Variants in CYP4X1 observed in about 807,000 individuals in gnomAD.
CYP4X1 encodes the protein cytochrome P450 4X1.
A neutral mutation model predicts 57.9 loss-of-function variants in CYP4X1; 44 were observed. The observed-to-expected ratio is 0.76, with a 90% CI of 0.60 to 0.98. CYP4X1 has a LOEUF of 0.98. Ranked by LOEUF, CYP4X1 falls within the 50% of genes least tolerant of loss-of-function variation. The probability of loss-of-function intolerance (pLI) is 0.00; values close to 1 mark genes in which losing one functional copy is unlikely to be tolerated. For synonymous variants in CYP4X1, 227 were observed against 228.6 expected (o/e 0.99, Z 0.06); for missense variants, 532 against 623.9 (o/e 0.85, Z 1.57).
At chr1:47,003,729 C>T in the CYP4X1 span, among the ~76,000 whole-genome samples, 1 of 152,114 alleles carries the variant, frequency 6.6e-6, no homozygotes, top group Admixed American at 6.5e-5. Context: ...GAGGACAGCA[C>T]CAAGCCGTGA....
At chr1:47,042,209 G>A (rs1644253782) in intron 8 of CYP4X1, among the ~76,000 whole-genome samples, 2 of 151,152 alleles carry the variant, frequency 1.3e-5, no homozygotes, top group Non-Finnish European at 2.9e-5. Flanking sequence ...CAGGTAGTAT[G>A]ATGCCTCCAG....
At chr1:47,049,395 G>A (rs1644337076) in intron 10 of CYP4X1, 27 bp from the exon 11 acceptor site, 1 of 1,580,970 alleles carries the variant, frequency 6.3e-7, no homozygotes, top group South Asian at 1.1e-5. Flanking sequence ...TTTGGGGGAT[G>A]GTGTTGGGGT....
chr1:46,975,296 C>T, the CYP4X1 span, among the ~76,000 whole-genome samples: 1 of 152,180 alleles, frequency 6.6e-6, no homozygotes, highest in East Asian at 1.9e-4. Context: ...TCTGTAGTGG[C>T]TGGCAATGGT....
At chr1:47,001,901 A>G in the CYP4X1 span, among the ~76,000 whole-genome samples, 1 of 152,166 alleles carries the variant, frequency 6.6e-6, no homozygotes, top group Admixed American at 6.5e-5. Flanking sequence ...TCATGTGGAG[A>G]TGGCTGAGAA....
At chr1:47,029,943 A>G (rs1226165589) in intron 1 of CYP4X1, 47 bp from the exon 2 acceptor site, 1 of 1,598,220 alleles carries the variant, frequency 6.3e-7, no homozygotes, top group East Asian at 2.2e-5. Context: ...ATAAGAGGGG[A>G]CAGGTCCAGC....
At chr1:47,002,254 T>C in the CYP4X1 span, among the ~76,000 whole-genome samples, 1 of 152,238 alleles carries the variant, frequency 6.6e-6, no homozygotes, top group Non-Finnish European at 1.5e-5. Flanking sequence ...TGCACAGGAC[T>C]TGACCCACAG....
chr1:47,025,780 T>G (rs1557600873), intron 1 of CYP4X1, among the ~76,000 whole-genome samples: 1 of 152,208 alleles, frequency 6.6e-6, no homozygotes, highest in Non-Finnish European at 1.5e-5. Flanking sequence ...TCTGTTCGTT[T>G]TTTTGGAGAT....
the CYP4X1 span, among the ~76,000 whole-genome samples, chr1:46,971,039 G>C: frequency 1.3e-5 from 2 of 152,164 alleles, no homozygotes; most frequent in South Asian, 2.1e-4. Flanking sequence ...CAGATAAAAA[G>C]CATTGTATTC....
intron 8 of CYP4X1, among the ~76,000 whole-genome samples, chr1:47,044,586 G>T (rs1644281172): frequency 6.6e-6 from 1 of 152,092 alleles, no homozygotes; most frequent in Non-Finnish European, 1.5e-5. Context: ...ACCTTTATCA[G>T]TGAGATTTTT....
At chr1:47,021,709 G>A (rs1391819146), upstream of CYP4X1, among the ~76,000 whole-genome samples, 1 of 152,208 alleles carries the variant, frequency 6.6e-6, no homozygotes, top group Non-Finnish European at 1.5e-5. Flanking sequence ...ATGGAACGGT[G>A]CTGGACAGGG....
the CYP4X1 span, among the ~76,000 whole-genome samples, chr1:46,988,108 G>T: frequency 6.6e-6 from 1 of 151,952 alleles, no homozygotes; most frequent in Admixed American, 6.6e-5. Flanking sequence ...CTGGGTTTTT[G>T]AAAAGATCAA....
chr1:47,029,495 G>T (rs751847628), intron 1 of CYP4X1, among the ~76,000 whole-genome samples: 6 of 152,196 alleles, frequency 3.9e-5, no homozygotes, highest in Non-Finnish European at 2.9e-5. Flanking sequence ...CAATTTTTTA[G>T]AGAGAAGCAT....
the CYP4X1 span, among the ~76,000 whole-genome samples, chr1:46,962,794 C>A: frequency 2.0e-5 from 3 of 152,128 alleles, no homozygotes; most frequent in East Asian, 5.8e-4. Context: ...GAATTCAATT[C>A]TTGGATATCG....
chr1:46,963,081 C>CT, the CYP4X1 span, among the ~76,000 whole-genome samples: 15 of 151,950 alleles, frequency 9.9e-5, no homozygotes, highest in South Asian at 2.1e-4. Flanking sequence ...CAACCCCTGC[C>CT]TTTTTTTTGT....
chr1:47,028,810 A>G (rs1644097184), intron 1 of CYP4X1, among the ~76,000 whole-genome samples: 1 of 152,226 alleles, frequency 6.6e-6, no homozygotes, highest in Non-Finnish European at 1.5e-5. Context: ...TACGTGTGAT[A>G]GACAATAAAT....
the CYP4X1 span, among the ~76,000 whole-genome samples, chr1:47,007,343 C>A: frequency 0.018 from 2,710 of 152,336 alleles, 32 homozygotes; most frequent in Non-Finnish European, 0.027. Context: ...CCAGCAAACA[C>A]CAACAGACCT....
At chr1:47,015,126 C>T in the CYP4X1 span, among the ~76,000 whole-genome samples, 28 of 152,304 alleles carry the variant, frequency 1.8e-4, no homozygotes, top group African/African-American at 6.7e-4. Flanking sequence ...TATCTGTCTT[C>T]TCCACCAGAT....
the CYP4X1 span, among the ~76,000 whole-genome samples, chr1:46,976,916 G>T: frequency 6.6e-6 from 1 of 152,172 alleles, no homozygotes; most frequent in Non-Finnish European, 1.5e-5. Context: ...AGACAGAAAA[G>T]AATTGCATCA....
At chr1:47,025,505 C>T (rs1180560904) in intron 1 of CYP4X1, among the ~76,000 whole-genome samples, 1 of 152,172 alleles carries the variant, frequency 6.6e-6, no homozygotes, top group Non-Finnish European at 1.5e-5. Context: ...GTCCCAGTAA[C>T]TATATAGTAT....
Sources: gnomAD v4.1 joint callset for allele counts (sites outside exome capture counted in the v4.1 genomes callset) on GRCh38, gnomAD v4.1.1 for gene constraint, MANE v1.5 for transcripts, NCBI Gene and HGNC (gene_info 2026-07-23, HGNC 2026-07-21) for gene names.